The following HMG20A variants were observed in gnomAD, a reference collection of about 807,000 sequenced individuals.
The protein encoded by HMG20A is high mobility group protein 20A.
A neutral mutation model predicts 43.9 loss-of-function variants in HMG20A; 17 were observed. The ratio of observed to expected loss-of-function variants is 0.39; its 90% CI spans 0.27 to 0.58. HMG20A has a LOEUF of 0.58. Ranked by LOEUF, HMG20A falls within the 20% of genes least tolerant of loss-of-function variation. The pLI is 0.59. For synonymous variants in HMG20A, 132 were observed against 147.5 expected (o/e 0.89, Z 0.76); for missense variants, 341 against 438.2 (o/e 0.78, Z 1.98).
At chr15:77,514,066 C>T in the HMG20A span, among the ~76,000 whole-genome samples, 1 of 152,130 alleles carries the variant, frequency 6.6e-6, no homozygotes, top group Non-Finnish European at 1.5e-5. Flanking sequence ...TAATTACTTC[C>T]TTAATGGTCC....
chr15:77,498,361 G>A, the HMG20A span, among the ~76,000 whole-genome samples: 1 of 152,314 alleles, frequency 6.6e-6, no homozygotes, highest in South Asian at 2.1e-4. Context: ...CACGTCTAGA[G>A]CTCACGTTGA....
chr15:77,487,880 A>G (rs1471611062), downstream of HMG20A, among the ~76,000 whole-genome samples: 1 of 152,232 alleles, frequency 6.6e-6, no homozygotes, highest in African/African-American at 2.4e-5. Flanking sequence ...TTTATATGCC[A>G]GCCCATTAAA....
intron 1 of HMG20A, among the ~76,000 whole-genome samples, chr15:77,442,860 A>G (rs931087402): frequency 4.6e-5 from 7 of 152,100 alleles, no homozygotes; most frequent in Non-Finnish European, 8.8e-5. Context: ...AAAGAAACTA[A>G]GTATTGCATG....
chr15:77,446,516 A>G (rs1181421294), intron 1 of HMG20A, among the ~76,000 whole-genome samples: 7 of 152,234 alleles, frequency 4.6e-5, no homozygotes, highest in African/African-American at 1.2e-4. Context: ...AGTAAAAAGT[A>G]TACATATGTG....
At chr15:77,454,609 CTT>C (rs2072637558) in intron 1 of HMG20A, among the ~76,000 whole-genome samples, 1 of 152,098 alleles carries the variant, frequency 6.6e-6, no homozygotes, top group Admixed American at 6.6e-5. Context: ...TAGTAATACT[CTT>C]TATTTTGTCA....
chr15:77,480,628 A>T (rs1035374376), intron 9 of HMG20A, among the ~76,000 whole-genome samples: 2 of 151,328 alleles, frequency 1.3e-5, no homozygotes, highest in Non-Finnish European at 2.9e-5. Context: ...AAAAAAAACA[A>T]AATAAAAATA....
At chr15:77,436,302 C>T (rs2073547399) in intron 1 of HMG20A, among the ~76,000 whole-genome samples, 1 of 152,100 alleles carries the variant, frequency 6.6e-6, no homozygotes, top group South Asian at 2.1e-4. Flanking sequence ...CTGCAAGATT[C>T]TATTGATTCT....
At chr15:77,465,705 T>A (rs2072751115) in intron 3 of HMG20A, among the ~76,000 whole-genome samples, 1 of 152,234 alleles carries the variant, frequency 6.6e-6, no homozygotes, top group Non-Finnish European at 1.5e-5. Flanking sequence ...ACAGTAGCTT[T>A]AATGTAACTA....
intron 1 of HMG20A, among the ~76,000 whole-genome samples, chr15:77,439,527 C>G (rs534407436): frequency 6.6e-5 from 10 of 152,214 alleles, no homozygotes; most frequent in South Asian, 2.1e-4. Context: ...CTTGGCTCAT[C>G]ATTATATCTA....
At chr15:77,514,108 G>A in the HMG20A span, among the ~76,000 whole-genome samples, 1 of 152,110 alleles carries the variant, frequency 6.6e-6, no homozygotes, top group African/African-American at 2.4e-5. Flanking sequence ...TAGGGGTTAG[G>A]ACTTTATTCC....
At chr15:77,437,197 A>G (rs2073558943) in intron 1 of HMG20A, among the ~76,000 whole-genome samples, 1 of 152,160 alleles carries the variant, frequency 6.6e-6, no homozygotes, top group Non-Finnish European at 1.5e-5. Flanking sequence ...TTTTAAACAA[A>G]TTTAAAGTTT....
chr15:77,423,534 A>G (rs888537791), intron 1 of HMG20A, among the ~76,000 whole-genome samples: 5 of 152,242 alleles, frequency 3.3e-5, no homozygotes, highest in African/African-American at 1.2e-4. Context: ...TGTAACAAAG[A>G]AAGTGTCAAA....
Position 77,458,420 on chromosome 15 carries a change from A to G in HMG20A, c.13A>G (p.Met5Val). The G allele has an allele frequency of 6.2e-7, 1 of 1,612,606 alleles. No individual in the cohort carries two copies. Among genetic ancestry groups the G allele is most frequent in the Non-Finnish European group, 8.5e-7 (1 of 1,178,858 alleles). The change falls in exon 2 of 10, where the codon ATG becomes GTG. Residue 5 changes from methionine (M) to valine (V), a missense_variant. Met to Val is a conservative substitution (Grantham distance 21). Transcript: ENST00000336216. MENL[M>V]TSSTLPPLFA... Reference sequence around the variant, plus strand: ...TCCTTTCAGAGAGATGGAAAACTTGATGACTAGCTCCACCCTACCGCCCCT... The same window carrying G: ...TCCTTTCAGAGAGATGGAAAACTTGGTGACTAGCTCCACCCTACCGCCCCT...
chr15:77,483,070 A>T lies in HMG20A; in HGVS notation c.*107A>T, dbSNP rs1326934816. 1.3e-5 allele frequency: 2 copies of T among 152,184 alleles called. No homozygotes were observed. Among genetic ancestry groups the T allele is most frequent in the African/African-American group, 2.4e-5 (1 of 41,416 alleles). The allele number at this position is 152,184 out of a possible 1,614,324, so 9.4% of individuals were successfully genotyped here. A position where few individuals can be genotyped will look rare whatever the true frequency, so the allele number is the denominator to read the frequency against. On this transcript the variant is annotated 3_prime_UTR_variant, in exon 10 of 10. Transcript: ENST00000336216. ...GAGTGGGGGCAGAGAAAGAGTGCAGATCCCTTTGCTTGTGAAAGAATTATC... is the reference window on the plus strand; with the variant it reads ...GAGTGGGGGCAGAGAAAGAGTGCAGTTCCCTTTGCTTGTGAAAGAATTATC...
rs566014732 is a variant in HMG20A, at chr15:77,456,406, C to T, written c.-4-1998C>T. On this transcript the variant is annotated intron_variant, in intron 1 of 9. Transcript: ENST00000336216. ...TAGAAAGAAGCCAGTCAATCCCAGG[C>T]GTAGTGGCTCACACCTGTAATCCTA... Among the ~76,000 whole-genome samples, 9 of 152,186 alleles carry T rather than the reference C, an allele frequency of 5.9e-5. No individual in the cohort carries two copies. In the South Asian group the frequency reaches 1.0e-3, roughly 18 times the overall value.
the HMG20A span, among the ~76,000 whole-genome samples, chr15:77,507,844 G>T: frequency 6.6e-6 from 1 of 151,612 alleles, no homozygotes; most frequent in Non-Finnish European, 1.5e-5. Context: ...AAGATAGGGG[G>T]TTGGAGGAGA....
chr15:77,490,579 T>C (rs1286188476), downstream of HMG20A, among the ~76,000 whole-genome samples: 1 of 152,118 alleles, frequency 6.6e-6, no homozygotes, highest in Non-Finnish European at 1.5e-5. Context: ...TCCCAGTACT[T>C]TGGGAGGCCA....
chr15:77,442,596 C>T (rs569274405), intron 1 of HMG20A, among the ~76,000 whole-genome samples: 11 of 152,156 alleles, frequency 7.2e-5, no homozygotes, highest in Non-Finnish European at 1.3e-4. Context: ...GCTAGACATG[C>T]GTACTCTTCT....
intron 2 of HMG20A, among the ~76,000 whole-genome samples, chr15:77,462,766 CTTTTTCTT>C (rs1405343625): frequency 3.5e-5 from 5 of 144,350 alleles, no homozygotes; most frequent in African/African-American, 1.3e-4. Flanking sequence ...TTTTCTTTTT[CTTTTTCTT>C]TTTTTTTTTT....
Sources: allele counts gnomAD v4.1 joint callset (sites outside exome capture counted in the v4.1 genomes callset), GRCh38; gene constraint gnomAD v4.1.1; transcripts MANE v1.5; gene names NCBI Gene and HGNC (gene_info 2026-07-23, HGNC 2026-07-21).